The following DAGLA variants were observed in gnomAD, a reference collection of about 807,000 sequenced individuals.
The protein encoded by DAGLA is diacylglycerol lipase-alpha.
A neutral mutation model predicts 102.6 loss-of-function variants in DAGLA; 22 were observed. The ratio of observed to expected loss-of-function variants is 0.21; its 90% confidence interval spans 0.15 to 0.31. The LOEUF (loss-of-function observed/expected upper bound fraction) is 0.31. Among genes scored for constraint, DAGLA ranks in the 10% least tolerant of loss-of-function variants. DAGLA has a pLI of 1.00. For synonymous variants in DAGLA, 578 were observed against 628.9 expected (o/e 0.92, Z 1.21); for missense variants, 927 against 1,446.6 (o/e 0.64, Z 5.83).
intron 1 of DAGLA, among the ~76,000 whole-genome samples, chr11:61,711,223 G>C (rs1341060453): frequency 6.6e-6 from 1 of 152,192 alleles, no homozygotes; most frequent in South Asian, 2.1e-4. Context: ...CCAGTGTGGG[G>C]CGGTGTCGGC....
chr11:61,697,963 CAA>C (rs1288804230), intron 1 of DAGLA, among the ~76,000 whole-genome samples: 2 of 152,196 alleles, frequency 1.3e-5, no homozygotes, highest in Non-Finnish European at 2.9e-5. Flanking sequence ...AGTCATGGGG[CAA>C]AGTGAGATAA....
chr11:61,701,396 C>T (rs2065109349), intron 1 of DAGLA, among the ~76,000 whole-genome samples: 1 of 152,218 alleles, frequency 6.6e-6, no homozygotes, highest in Non-Finnish European at 1.5e-5. Context: ...CCGCCTCTCC[C>T]TCTGCTCTAG....
chr11:61,691,172 C>T (rs1357439527), intron 1 of DAGLA, among the ~76,000 whole-genome samples: 6 of 152,302 alleles, frequency 3.9e-5, no homozygotes, highest in East Asian at 1.9e-4. Flanking sequence ...AGCAGGCTTC[C>T]GGCAGCAATA....
At chr11:61,688,662 G>C (rs1372612673) in intron 1 of DAGLA, among the ~76,000 whole-genome samples, 6 of 152,164 alleles carry the variant, frequency 3.9e-5, no homozygotes, top group African/African-American at 1.4e-4. Context: ...GGGGGTTCTG[G>C]GCCCTGCTTC....
chr11:61,692,124 G>C (rs1241710198), intron 1 of DAGLA, among the ~76,000 whole-genome samples: 1 of 152,196 alleles, frequency 6.6e-6, no homozygotes, highest in Non-Finnish European at 1.5e-5. Flanking sequence ...CAGTGCATTA[G>C]AGCCTGCTGT....
intron 16 of DAGLA, 74 bp from the exon 17 acceptor site, chr11:61,739,391 C>G: frequency 4.2e-6 from 6 of 1,435,080 alleles, no homozygotes; most frequent in Non-Finnish European, 4.8e-6. Context: ...CCCCCCTTCT[C>G]GGTCCCCCTG....
In DAGLA at chr11:61,684,277, G is replaced by A. The variant is rs1479054385; in HGVS notation, c.-45+3773G>A. The stretch of plus-strand genomic sequence containing the variant: ...CCAGTGGACTGGGCAAGTAGCGCTG[G>A]GGGAAATATCAATGAGCATGTGGTC... On this transcript the variant is annotated intron_variant, in intron 1 of 19. Coordinates refer to ENST00000257215, the MANE Select transcript of DAGLA (RefSeq NM_006133.3). The surrounding 1 kb of genome is among the most constrained non-coding windows in gnomAD (Gnocchi z 4.5). 6.6e-6 allele frequency among the ~76,000 whole-genome samples: 1 copy of A among 152,240 alleles called. No homozygotes were observed. The highest frequency in any genetic ancestry group is 1.5e-5 in the Non-Finnish European group (1 of 68,044).
intron 1 of DAGLA, among the ~76,000 whole-genome samples, chr11:61,692,764 G>A (rs1297813028): frequency 2.6e-5 from 4 of 151,960 alleles, no homozygotes; most frequent in African/African-American, 7.3e-5. Context: ...CAACATCCCC[G>A]AGTAGAGAGT....
Position 61,744,088 on chromosome 11 carries a change from GTGCTGGAATTCGCCGAGT to G in DAGLA, c.2730_2747del (p.Leu911_Phe916del). On this transcript the variant is annotated inframe_deletion, in exon 20 of 20. Coordinates refer to ENST00000257215, the MANE Select transcript of DAGLA (RefSeq NM_006133.3). ...CCTGGGGGACTCGCCCAGTCCTCAG[GTGCTGGAATTCGCCGAGT>G]TCATCGACAGCCTCTTCAACCTGGA... 6.2e-7 allele frequency: 1 copy of G among 1,612,918 alleles called. No homozygotes were observed. The highest frequency in any genetic ancestry group is 8.5e-7 in the Non-Finnish European group (1 of 1,179,972).
chr11:61,736,634 G>C (rs1047288850), intron 13 of DAGLA, among the ~76,000 whole-genome samples: 3 of 152,254 alleles, frequency 2.0e-5, no homozygotes, highest in Non-Finnish European at 4.4e-5. Context: ...CATAGCTGCA[G>C]AACCGTTTGT....
At chr11:61,691,798 G>C (rs766567150) in intron 1 of DAGLA, among the ~76,000 whole-genome samples, 17 of 152,254 alleles carry the variant, frequency 1.1e-4, no homozygotes, top group Non-Finnish European at 1.9e-4. Flanking sequence ...GCCTGTTGCA[G>C]CTCCTGCTGG....
At position 61,690,138 on chromosome 11, in the gene DAGLA, A is replaced by G. The variant is rs368306748; in HGVS notation, c.-45+9634A>G. On this transcript the variant is annotated intron_variant, in intron 1 of 19. Coordinates refer to ENST00000257215, the MANE Select transcript of DAGLA (RefSeq NM_006133.3). ...CCCAGTGCACCCCCAGGGCCAGAAC[A>G]CCAGCCGTATCCAAGTCTCTTTCCC... 3.1e-3 allele frequency among the ~76,000 whole-genome samples: 474 copies of G among 151,986 alleles called. 2 individuals carry two copies. The highest frequency in any genetic ancestry group is 0.011 in the African/African-American group (442 of 41,512).
intron 19 of DAGLA, among the ~76,000 whole-genome samples, chr11:61,742,435 CT>C (rs1375875059): frequency 6.6e-6 from 1 of 152,202 alleles, no homozygotes; most frequent in African/African-American, 2.4e-5. Context: ...CTGGACGTCT[CT>C]CCCTGCCATT....
At position 61,684,868 on chromosome 11, in the gene DAGLA, G is replaced by T. The variant is rs560539909; in HGVS notation, c.-45+4364G>T. On this transcript the variant is annotated intron_variant, in intron 1 of 19. Transcript: ENST00000257215. The surrounding 1 kb of genome is among the most constrained non-coding windows in gnomAD (Gnocchi z 4.5). The stretch of plus-strand genomic sequence containing the variant: ...ACAGCAGGAGGGAACAGTGGGAGTC[G>T]GAGGAGGCTGCCTTCAGGCTGTGGG... Among the ~76,000 whole-genome samples the T allele has an allele frequency of 6.6e-6, 1 of 152,062 alleles. No homozygotes were observed. Among genetic ancestry groups the T allele is most frequent in the African/African-American group, 2.4e-5 (1 of 41,370 alleles).
intron 1 of DAGLA, among the ~76,000 whole-genome samples, chr11:61,708,772 G>A (rs563704623): frequency 1.3e-5 from 2 of 152,320 alleles, no homozygotes; most frequent in Non-Finnish European, 2.9e-5. Context: ...TTATAGACGA[G>A]GAGAGGGCTG....
At position 61,743,655 on chromosome 11, in the gene DAGLA, G is replaced by A. The variant is rs1258760740; in HGVS notation, c.2295G>A (p.Arg765=). The A allele has an allele frequency of 6.3e-7, 1 of 1,599,602 alleles. No individual in the cohort carries two copies. The part of the protein sequence containing the change: ...VELLLLSTQE[R]LAAELQARRA... ...TGCTGCTGCTGTCTACCCAGGAGCG[G>A]CTGGCGGCGGAGCTGCAGGCCCGGC... The change falls in exon 20 of 20, where the codon CGG becomes CGA. Residue 765 remains arginine, a synonymous_variant. Transcript: ENST00000257215.
At chr11:61,714,486 T>G (rs935818696) in intron 1 of DAGLA, among the ~76,000 whole-genome samples, 16 of 152,238 alleles carry the variant, frequency 1.1e-4, no homozygotes, top group African/African-American at 3.9e-4. Flanking sequence ...GGAGCTTCTG[T>G]GGATGTTGCT....
intron 7 of DAGLA, among the ~76,000 whole-genome samples, chr11:61,728,714 G>A (rs1485139112): frequency 6.6e-6 from 1 of 152,234 alleles, no homozygotes; most frequent in Non-Finnish European, 1.5e-5. Context: ...TGTCCTCAGG[G>A]GCTTGATGTT....
chr11:61,721,476 G>A (rs750910599), intron 3 of DAGLA, among the ~76,000 whole-genome samples: 3 of 152,232 alleles, frequency 2.0e-5, no homozygotes, highest in Admixed American at 6.5e-5. Flanking sequence ...TACAGCAGCC[G>A]AGTTGAGTAG....
Sources: gnomAD v4.1 joint callset for allele counts (sites outside exome capture counted in the v4.1 genomes callset) on GRCh38, gnomAD v4.1.1 for gene constraint, Gnocchi (gnomAD v3.1) non-coding constraint, MANE v1.5 for transcripts, NCBI Gene and HGNC (gene_info 2026-07-23, HGNC 2026-07-21) for gene names.